The following NBPF8 variants were observed in gnomAD, a reference collection of about 807,000 sequenced individuals.
NBPF8 encodes the protein NBPF family member NBPF8.
exon 18 of NBPF8, chr1:120,460,579 G>T: frequency 1.0e-5 from 15 of 1,443,094 alleles, no homozygotes; most frequent in Non-Finnish European, 1.4e-5. Flanking sequence ...GCAGGACATC[G>T]GTGGGATCAA....
chr1:120,451,698 C>T (rs1295485918), intron 12 of NBPF8, among the ~76,000 whole-genome samples: 118 of 148,648 alleles, frequency 7.9e-4, no homozygotes, highest in Non-Finnish European at 1.2e-3. Context: ...TCATTCTTTT[C>T]TTCTTTCGTC....
chr1:120,420,687 C>A (rs1660549142), intron 1 of NBPF8, among the ~76,000 whole-genome samples: 1 of 145,606 alleles, frequency 6.9e-6, no homozygotes, highest in African/African-American at 2.7e-5. Context: ...TCTCCCATTC[C>A]AGAATCCTGT....
At chr1:120,466,205 T>A (rs1241735399) in exon 25 of NBPF8, 17 of 1,608,910 alleles carry the variant, frequency 1.1e-5, no homozygotes, top group Middle Eastern at 2.3e-4. Context: ...CAGATGGGAG[T>A]CATATTCCCA....
intron 1 of NBPF8, among the ~76,000 whole-genome samples, chr1:120,421,405 T>TTC (rs1197401976): frequency 4.6e-5 from 7 of 151,072 alleles, no homozygotes; most frequent in Admixed American, 2.6e-4. Flanking sequence ...CCCACTCTTT[T>TTC]TCTCTCTCTC....
upstream of NBPF8, among the ~76,000 whole-genome samples, chr1:120,434,215 A>G (rs1274405115): frequency 6.8e-6 from 1 of 147,862 alleles, no homozygotes; most frequent in Non-Finnish European, 1.5e-5. Flanking sequence ...TCCGCCACTT[A>G]AAAAAGAAAA....
At chr1:120,452,452 A>G (rs1287397971) in intron 13 of NBPF8, 121 bp downstream of exon 11, 1 of 662,196 alleles carries the variant, frequency 1.5e-6, no homozygotes. Context: ...TTATGTGGCC[A>G]TGACATGACC....
intron 1 of NBPF8, among the ~76,000 whole-genome samples, chr1:120,421,319 T>A (rs1423670010): frequency 6.6e-6 from 1 of 152,186 alleles, no homozygotes; most frequent in African/African-American, 2.4e-5. Context: ...TTCCCCTGGA[T>A]GTTCTCATCT....
chr1:120,431,635 T>A (rs1222963931), upstream of NBPF8, among the ~76,000 whole-genome samples: 1 of 150,512 alleles, frequency 6.6e-6, no homozygotes, highest in Admixed American at 6.6e-5. Flanking sequence ...AAATAGCACC[T>A]GTTGGTGAGG....
At chr1:120,415,472 G>A (rs1276497743), upstream of NBPF8, among the ~76,000 whole-genome samples, 2 of 152,166 alleles carry the variant, frequency 1.3e-5, no homozygotes, top group African/African-American at 2.4e-5. Flanking sequence ...GCTGCCGCCC[G>A]CAGCCCTCAT....
At chr1:120,459,831 A>G (rs1166134475) in intron 17 of NBPF8, among the ~76,000 whole-genome samples, 51 of 152,262 alleles carry the variant, frequency 3.3e-4, no homozygotes, top group African/African-American at 1.2e-3. Flanking sequence ...GCACATGCCC[A>G]GGAGTTGTCT....
At chr1:120,449,315 GA>G (rs1556606357) in exon 11 of NBPF8, 1 of 1,611,124 alleles carries the variant, frequency 6.2e-7, no homozygotes, top group Non-Finnish European at 8.5e-7. Context: ...CCAGCTGGCA[GA>G]GAAGAAACAG....
upstream of NBPF8, among the ~76,000 whole-genome samples, chr1:120,435,686 CA>C (rs1246773308): frequency 6.7e-6 from 1 of 149,032 alleles, no homozygotes; most frequent in Non-Finnish European, 1.5e-5. Flanking sequence ...ACTAAAAATA[CA>C]AAAAAAGAAA....
intron 1 of NBPF8, among the ~76,000 whole-genome samples, chr1:120,421,325 C>T (rs1660569119): frequency 6.6e-6 from 1 of 152,158 alleles, no homozygotes; most frequent in African/African-American, 2.4e-5. Context: ...TGGATGTTCT[C>T]ATCTTCATGT....
chr1:120,425,584 T>C (rs1660701337), intron 1 of NBPF8, among the ~76,000 whole-genome samples: 1 of 152,182 alleles, frequency 6.6e-6, no homozygotes, highest in Non-Finnish European at 1.5e-5. Context: ...CCAGCATGGG[T>C]CCTCCGTATG....
chr1:120,431,252 CGTGT>C (rs1173094212), intron 3 of NBPF8, among the ~76,000 whole-genome samples: 7,833 of 125,040 alleles, frequency 0.063, 313 homozygotes, highest in East Asian at 0.097. Flanking sequence ...CACACACAAA[CGTGT>C]GTGTGTGTGT....
intron 11 of NBPF8, among the ~76,000 whole-genome samples, chr1:120,450,033 C>T (rs781913380): frequency 9.9e-5 from 15 of 151,988 alleles, no homozygotes; most frequent in Non-Finnish European, 1.6e-4. Context: ...TTGGGACCAG[C>T]CTGGGCAACA....
Position 120,463,113 on chromosome 1 carries a change from T to C in NBPF8, n.3234+147T>C, listed in dbSNP as rs1232205304. The C allele has an allele frequency of 1.1e-3, 745 of 700,646 alleles. 5 individuals are homozygous for C. In the African/African-American group the frequency reaches 0.012, roughly 11 times the overall value. 43.4% of individuals were successfully genotyped at this position (700,646 alleles called of 1,614,324 possible). ...GCGCATATAGGTTGTAATGAGACTG[T>C]AGTCTCAGCTGGAAGCCTAGACATG... On this transcript the variant is annotated intron_variant and non_coding_transcript_variant, in intron 21 of 24. Coordinates refer to ENST00000583271, the Ensembl canonical transcript of NBPF8.
Position 120,465,197 on chromosome 1 carries a change from C to G in NBPF8, n.3460-66C>G, listed in dbSNP as rs1409999454. Reference sequence around the variant, plus strand: ...CTGAGGTCCCTGTGTGAGGATTAGACAGTGGATTGTTATGTGTGTAGGGGA... The same window carrying G: ...CTGAGGTCCCTGTGTGAGGATTAGAGAGTGGATTGTTATGTGTGTAGGGGA... On this transcript the variant is annotated intron_variant and non_coding_transcript_variant, in intron 23 of 24. Transcript: ENST00000583271. The G allele has an allele frequency of 2.5e-3, 882 of 351,184 alleles. 24 individuals carry two copies. The African/African-American group carries it at 0.058, about 23-fold the overall frequency. The allele number at this position is 351,184 out of a possible 1,614,324, so 21.8% of individuals were successfully genotyped here. A position where few individuals can be genotyped will look rare whatever the true frequency, so the allele number is the denominator to read the frequency against.
upstream of NBPF8, among the ~76,000 whole-genome samples, chr1:120,416,018 G>T (rs1345227925): frequency 1.3e-5 from 2 of 152,132 alleles, no homozygotes; most frequent in African/African-American, 4.8e-5. Context: ...GTCTTTTCTT[G>T]CAGTGATACC....
Sources: gnomAD v4.1 joint callset for allele counts (sites outside exome capture counted in the v4.1 genomes callset) on GRCh38, gnomAD v4.1.1 for gene constraint, MANE v1.5 for transcripts, NCBI Gene and HGNC (gene_info 2026-07-23, HGNC 2026-07-21) for gene names.